The following KLF17 variants were observed in gnomAD, a reference collection of about 807,000 sequenced individuals.
KLF17 encodes Krueppel-like factor 17.
Under a neutral mutation model 34.2 loss-of-function variants are expected in KLF17, and 31 were observed. That is an observed-to-expected ratio of 0.91 (90% CI 0.68 to 1.22). The LOEUF is 1.22. Ranked by LOEUF, KLF17 falls within the 50% of genes most tolerant of loss-of-function variation. KLF17 has a pLI of 0.00. For missense variants in KLF17, 478 were observed against 505.2 expected (o/e 0.95, Z 0.52); for synonymous variants, 179 against 186.7 (o/e 0.96, Z 0.34).
chr1:44,103,367 G>A, the KLF17 span: 1 of 753,780 alleles, frequency 1.3e-6, no homozygotes. Flanking sequence ...TCCCGTTGCA[G>A]GTCTGGATCT....
intron 3 of KLF17, among the ~76,000 whole-genome samples, chr1:44,131,020 C>T (rs1443488898): frequency 6.6e-6 from 1 of 152,174 alleles, no homozygotes; most frequent in Admixed American, 6.5e-5. Flanking sequence ...TGGTCTCGAT[C>T]TCCTGACCTC....
At chr1:44,107,556 G>A in the KLF17 span, among the ~76,000 whole-genome samples, 3 of 152,140 alleles carry the variant, frequency 2.0e-5, no homozygotes, top group African/African-American at 7.2e-5. Context: ...GAGTAGCATG[G>A]TAAGATCTCA....
At chr1:44,086,821 A>G in the KLF17 span, among the ~76,000 whole-genome samples, 2 of 152,178 alleles carry the variant, frequency 1.3e-5, no homozygotes, top group Non-Finnish European at 2.9e-5. Flanking sequence ...AATAAGAAAC[A>G]AGGTCATCAG....
At chr1:44,118,078 C>G (rs977823590), upstream of KLF17, among the ~76,000 whole-genome samples, 1 of 152,160 alleles carries the variant, frequency 6.6e-6, no homozygotes, top group Non-Finnish European at 1.5e-5. Context: ...TGCCTTAGAG[C>G]CCTTCAATCT....
chr1:44,128,623 G>A (rs771489577), intron 1 of KLF17, among the ~76,000 whole-genome samples: 40 of 152,278 alleles, frequency 2.6e-4, no homozygotes, highest in Non-Finnish European at 4.3e-4. Context: ...TGCCAAAGCC[G>A]AGACCCATCT....
chr1:44,128,176 G>C (rs1557732357), intron 1 of KLF17, among the ~76,000 whole-genome samples: 1 of 152,068 alleles, frequency 6.6e-6, no homozygotes, highest in Non-Finnish European at 1.5e-5. Flanking sequence ...CTGGCTCCTG[G>C]ACTCAAGTGA....
At chr1:44,089,658 A>G in the KLF17 span, among the ~76,000 whole-genome samples, 182 of 152,324 alleles carry the variant, frequency 1.2e-3, no homozygotes, top group African/African-American at 4.1e-3. Context: ...TTGCAAACAT[A>G]AAGAACCCGT....
chr1:44,081,412 T>C, the KLF17 span, among the ~76,000 whole-genome samples: 1 of 150,948 alleles, frequency 6.6e-6, no homozygotes. Context: ...ATTTTCCCCA[T>C]GGTAGTTTTT....
the KLF17 span, chr1:44,103,993 C>T: frequency 5.9e-6 from 5 of 854,608 alleles, no homozygotes; most frequent in Admixed American, 5.1e-5. Context: ...TTGACCTCAG[C>T]GATGATGCTG....
At chr1:44,128,692 G>A (rs2088058360) in intron 1 of KLF17, among the ~76,000 whole-genome samples, 1 of 152,122 alleles carries the variant, frequency 6.6e-6, no homozygotes, top group African/African-American at 2.4e-5. Context: ...GGTTTGGGAT[G>A]TTCTTTCACT....
At chr1:44,103,987 C>A in the KLF17 span, 1 of 854,330 alleles carries the variant, frequency 1.2e-6, no homozygotes, top group Non-Finnish European at 2.0e-6. Context: ...TGCGCCTTGA[C>A]CTCAGCGATG....
chr1:44,079,601 G>T, the KLF17 span, among the ~76,000 whole-genome samples: 1 of 152,050 alleles, frequency 6.6e-6, no homozygotes, highest in Non-Finnish European at 1.5e-5. Context: ...ACCACGCCTG[G>T]CCTAGTAATT....
At chr1:44,124,091 G>T (rs2087980171) in intron 1 of KLF17, among the ~76,000 whole-genome samples, 1 of 151,802 alleles carries the variant, frequency 6.6e-6, no homozygotes, top group Non-Finnish European at 1.5e-5. Flanking sequence ...AGATCTACTT[G>T]GTTTATTGTG....
the KLF17 span, among the ~76,000 whole-genome samples, chr1:44,102,347 T>C: frequency 2.0e-5 from 3 of 151,650 alleles, no homozygotes; most frequent in African/African-American, 7.3e-5. Flanking sequence ...CGGTCAGGAG[T>C]TCGAGACCAG....
the KLF17 span, among the ~76,000 whole-genome samples, chr1:44,087,747 T>C: frequency 1.3e-5 from 1 of 76,682 alleles, no homozygotes; most frequent in Admixed American, 1.3e-4. Flanking sequence ...TATATATATA[T>C]ATATATATAT....
chr1:44,128,465 C>T (rs2088054556), intron 1 of KLF17, among the ~76,000 whole-genome samples: 1 of 152,190 alleles, frequency 6.6e-6, no homozygotes, highest in South Asian at 2.1e-4. Context: ...CCCCTGACTT[C>T]CAGACAACCC....
chr1:44,081,594 T>C, the KLF17 span, among the ~76,000 whole-genome samples: 2 of 151,924 alleles, frequency 1.3e-5, no homozygotes, highest in Non-Finnish European at 2.9e-5. Flanking sequence ...TTTTGTATTT[T>C]TTTTCCCATA....
At chr1:44,113,287 C>T in the KLF17 span, among the ~76,000 whole-genome samples, 1 of 152,080 alleles carries the variant, frequency 6.6e-6, no homozygotes, top group Non-Finnish European at 1.5e-5. Context: ...CCACAGACCA[C>T]ACTTTGAGTA....
rs1394505426 is a variant in KLF17, at chr1:44,130,025, C to T, written c.754C>T (p.Pro252Ser). The change falls in exon 2 of 4, where the codon CCA becomes TCA. Residue 252 changes from proline to serine, a missense_variant. Physicochemically the swap from Pro to Ser is moderately conservative, Grantham distance 74 (BLOSUM62 -1). Coordinates refer to ENST00000372299, the MANE Select transcript of KLF17 (RefSeq NM_173484.4). ...QPDSQEGPFLPEQPGPAPQTV... is the reference protein window; with the variant it reads ...QPDSQEGPFLSEQPGPAPQTV... Reference sequence around the variant, plus strand: ...AGACTCTCAAGAAGGCCCATTTCTACCAGAGCAGCCCGGACCTGCTCCACA... The same window carrying T: ...AGACTCTCAAGAAGGCCCATTTCTATCAGAGCAGCCCGGACCTGCTCCACA... 3 of 1,614,198 alleles carry T rather than the reference C, an allele frequency of 1.9e-6. No homozygotes were observed. Among genetic ancestry groups the T allele is most frequent in the Non-Finnish European group, 2.5e-6 (3 of 1,180,038 alleles).
Sources: allele counts gnomAD v4.1 joint callset (sites outside exome capture counted in the v4.1 genomes callset), GRCh38; gene constraint gnomAD v4.1.1; transcripts MANE v1.5; gene names NCBI Gene and HGNC (gene_info 2026-07-23, HGNC 2026-07-21).